The following FRMD6 variants were observed in gnomAD, a reference collection of about 807,000 sequenced individuals.
FRMD6 encodes the protein FERM domain-containing protein 6.
Under a neutral mutation model 73.2 loss-of-function variants are expected in FRMD6, and 37 were observed. That is an observed-to-expected ratio of 0.51 (90% CI 0.39 to 0.66). FRMD6 has a LOEUF of 0.66. Among genes scored for constraint, FRMD6 ranks in the 30% least tolerant of loss-of-function variants. FRMD6 has a pLI of 0.00. For missense variants in FRMD6, 714 were observed against 780.5 expected, an observed-to-expected ratio of 0.91 and a Z score of 1.02; for synonymous variants, 273 against 282.2, an observed-to-expected ratio of 0.97 and a Z score of 0.33.
At chr14:51,717,141 A>G (rs145618068) in intron 10 of FRMD6, 5 of 152,280 alleles carry the variant, frequency 3.3e-5, no homozygotes, top group African/African-American at 1.2e-4. Flanking sequence ...CATAGTACCA[A>G]GTGTATTCGG....
chr14:51,671,498 A>G (rs1400868665), intron 1 of FRMD6, among the ~76,000 whole-genome samples: 1 of 152,224 alleles, frequency 6.6e-6, no homozygotes, highest in African/African-American at 2.4e-5. Flanking sequence ...AAATAAACTC[A>G]TACTAACATG....
intron 1 of FRMD6, among the ~76,000 whole-genome samples, chr14:51,689,434 T>G (rs776383402): frequency 2.0e-5 from 3 of 152,222 alleles, no homozygotes; most frequent in Non-Finnish European, 4.4e-5. Context: ...CCTGTAGTAC[T>G]TAGTACATCC....
intron 1 of FRMD6, among the ~76,000 whole-genome samples, chr14:51,523,172 A>C (rs1215675232): frequency 6.6e-6 from 1 of 152,242 alleles, no homozygotes; most frequent in East Asian, 1.9e-4. Flanking sequence ...ATACAAGCTG[A>C]CTATTTGATT....
intron 1 of FRMD6, among the ~76,000 whole-genome samples, chr14:51,655,836 CTT>C (rs1241654323): frequency 2.0e-5 from 3 of 152,132 alleles, no homozygotes; most frequent in Admixed American, 6.6e-5. Flanking sequence ...TTTTGCCTGT[CTT>C]TGTGTTGAAT....
chr14:51,511,411 G>A (rs1480917969), intron 1 of FRMD6, among the ~76,000 whole-genome samples: 1 of 152,212 alleles, frequency 6.6e-6, no homozygotes, highest in Non-Finnish European at 1.5e-5. Context: ...GATGTATTAG[G>A]ATAACCCATT....
chr14:51,591,836 C>T (rs1289858629), intron 2 of FRMD6, among the ~76,000 whole-genome samples: 3 of 152,170 alleles, frequency 2.0e-5, no homozygotes, highest in East Asian at 3.8e-4. Flanking sequence ...CCACCACATC[C>T]GGCCACTATT....
chr14:51,540,127 T>C (rs530006150), intron 1 of FRMD6, among the ~76,000 whole-genome samples: 1 of 152,236 alleles, frequency 6.6e-6, no homozygotes, highest in East Asian at 1.9e-4. Flanking sequence ...GCTTTGGTGA[T>C]GGCATAGATC....
chr14:51,687,558 GA>G (rs1275168859), intron 1 of FRMD6, among the ~76,000 whole-genome samples: 4 of 152,038 alleles, frequency 2.6e-5, no homozygotes, highest in South Asian at 4.1e-4. Flanking sequence ...TGCCTTGGGG[GA>G]AAAAAGTATT....
At chr14:51,655,093 A>T (rs1182287641) in intron 1 of FRMD6, among the ~76,000 whole-genome samples, 1 of 152,030 alleles carries the variant, frequency 6.6e-6, no homozygotes, top group Non-Finnish European at 1.5e-5. Flanking sequence ...CCTCAATAGA[A>T]TCCTACTGTA....
intron 1 of FRMD6, among the ~76,000 whole-genome samples, chr14:51,525,003 T>G: frequency 8.2e-6 from 1 of 121,772 alleles, no homozygotes; most frequent in Non-Finnish European, 1.6e-5. Context: ...CAATCCAGGA[T>G]TGTGTGTTGG....
chr14:51,623,584 C>T (rs1487151882), intron 2 of FRMD6, among the ~76,000 whole-genome samples: 4 of 152,214 alleles, frequency 2.6e-5, no homozygotes, highest in Non-Finnish European at 2.9e-5. Context: ...CTTTACATCT[C>T]AACCTGGATG....
At chr14:51,401,308 A>G in the FRMD6 span, among the ~76,000 whole-genome samples, 310 of 152,354 alleles carry the variant, frequency 2.0e-3, no homozygotes, top group Admixed American at 5.7e-3. Flanking sequence ...TTCATCCAGT[A>G]ATTCAACCCA....
chr14:51,437,071 G>A, the FRMD6 span: 13 of 401,962 alleles, frequency 3.2e-5, no homozygotes, highest in Non-Finnish European at 5.1e-5. Context: ...TTGCCATGTT[G>A]GTTTGCTGCA....
chr14:51,654,536 G>A (rs1892686829), intron 1 of FRMD6, among the ~76,000 whole-genome samples: 1 of 149,992 alleles, frequency 6.7e-6, no homozygotes, highest in Non-Finnish European at 1.5e-5. Flanking sequence ...ATTCTTTGTA[G>A]TTTTCGATTT....
At chr14:51,456,671 A>T in the FRMD6 span, among the ~76,000 whole-genome samples, 50 of 152,146 alleles carry the variant, frequency 3.3e-4, no homozygotes, top group African/African-American at 1.2e-3. Context: ...CCAAAACTGA[A>T]ATCAGTATAT....
chr14:51,634,043 G>A (rs574543858), intron 2 of FRMD6, among the ~76,000 whole-genome samples: 10 of 152,300 alleles, frequency 6.6e-5, no homozygotes, highest in East Asian at 3.9e-4. Flanking sequence ...GCAGATCAAC[G>A]ACATGATTAG....
At chr14:51,727,612 A>G in intron 13 of FRMD6, 133 bp from the exon 14 acceptor site, 1 of 778,636 alleles carries the variant, frequency 1.3e-6, no homozygotes, top group Non-Finnish European at 2.1e-6. Context: ...CAGCCCAGAA[A>G]CCACAGATTG....
At chr14:51,651,516 G>A (rs1170057432), upstream of FRMD6, 1 of 152,358 alleles carries the variant, frequency 6.6e-6, no homozygotes, top group Non-Finnish European at 1.5e-5. Flanking sequence ...GCCAGAAGGT[G>A]GGGAGCCGCC....
chr14:51,514,488 A>C (rs980961440), intron 1 of FRMD6, among the ~76,000 whole-genome samples: 2 of 152,202 alleles, frequency 1.3e-5, no homozygotes, highest in Non-Finnish European at 2.9e-5. Flanking sequence ...TGTTCTGCAC[A>C]TGTATCCCAG....
Sources: allele counts gnomAD v4.1 joint callset (sites outside exome capture counted in the v4.1 genomes callset), GRCh38; gene constraint gnomAD v4.1.1; transcripts MANE v1.5; gene names NCBI Gene and HGNC (gene_info 2026-07-23, HGNC 2026-07-21).